MYRIP: variants seen among roughly 807,000 people sequenced by gnomAD.
MYRIP encodes rab effector MyRIP.
In MYRIP, 49 loss-of-function variants were observed where a neutral mutation model predicts 98.0. That is an observed-to-expected ratio of 0.50 (90% CI 0.40 to 0.63). MYRIP has a LOEUF of 0.63. Ranked by LOEUF, MYRIP falls within the 30% of genes least tolerant of loss-of-function variation. The pLI is 0.00. For missense variants in MYRIP, 1,004 were observed against 1,058.2 expected (o/e 0.95, Z 0.71); for synonymous variants, 404 against 409.5 (o/e 0.99, Z 0.16).
chr3:40,203,222 G>A (rs569121864), intron 10 of MYRIP, among the ~76,000 whole-genome samples: 18 of 152,100 alleles, frequency 1.2e-4, no homozygotes, highest in African/African-American at 3.9e-4. Context: ...GAGTCACTGC[G>A]CCTGGCTCTT....
intron 2 of MYRIP, among the ~76,000 whole-genome samples, chr3:39,924,926 C>T (rs559958320): frequency 2.0e-5 from 3 of 151,618 alleles, no homozygotes; most frequent in African/African-American, 7.3e-5. Context: ...AATGAAAATA[C>T]AATATTTCAA....
intron 2 of MYRIP, among the ~76,000 whole-genome samples, chr3:39,930,805 G>T (rs951405892): frequency 6.6e-6 from 1 of 151,776 alleles, no homozygotes; most frequent in Non-Finnish European, 1.5e-5. Context: ...TAATTGTCTT[G>T]GTATCCTTGT....
chr3:40,253,301 C>T (rs941044530), intron 16 of MYRIP, among the ~76,000 whole-genome samples: 7 of 152,142 alleles, frequency 4.6e-5, no homozygotes, highest in African/African-American at 9.7e-5. Context: ...TCAACAGCCG[C>T]GGTATCCTGA....
At chr3:39,812,855 C>T (rs1010857878) in intron 1 of MYRIP, among the ~76,000 whole-genome samples, 2 of 152,220 alleles carry the variant, frequency 1.3e-5, no homozygotes, top group Non-Finnish European at 2.9e-5. Context: ...AACATGATTT[C>T]CAACTACTAT....
intron 1 of MYRIP, among the ~76,000 whole-genome samples, chr3:39,848,056 C>T (rs1942022889): frequency 6.6e-6 from 1 of 152,278 alleles, no homozygotes. Flanking sequence ...CTCCAACATG[C>T]TGGTGGGGTT....
intron 11 of MYRIP, among the ~76,000 whole-genome samples, chr3:40,213,894 T>G (rs917349230): frequency 6.6e-6 from 1 of 152,112 alleles, no homozygotes; most frequent in African/African-American, 2.4e-5. Context: ...CTCCTTTGCT[T>G]TGCTTCGGTT....
chr3:39,992,072 A>G (rs1439089440), intron 2 of MYRIP, among the ~76,000 whole-genome samples: 2 of 152,184 alleles, frequency 1.3e-5, no homozygotes, highest in Non-Finnish European at 2.9e-5. Flanking sequence ...CTGCTCCATG[A>G]AAGACCAGAC....
At position 40,230,725 on chromosome 3, in the gene MYRIP, T is replaced by C. The variant is rs991759556; in HGVS notation, c.1906-3134T>C. Among the ~76,000 whole-genome samples the C allele has an allele frequency of 3.9e-5, 6 of 152,170 alleles. 1 individual carries two copies. Among genetic ancestry groups the C allele is most frequent in the African/African-American group, 1.4e-4 (6 of 41,446 alleles). On this transcript the variant is annotated intron_variant, in intron 11 of 16. Transcript: ENST00000302541. ...CTACAGGTGGGAAATTGCTGTGGAT[T>C]CCAGTTTGCCTTTCCCAGTGGAAAG...
chr3:40,169,981 A>T lies in MYRIP; in HGVS notation c.761A>T (p.Gln254Leu). The change falls in exon 8 of 17, where the codon CAG becomes CTG. Residue 254 changes from glutamine (Q) to leucine (L), a missense_variant. Around this residue, in one of 3 missense-constraint regions of MYRIP, gnomAD observed 880 missense variants for 907.7 expected, o/e 0.97. Transcript: ENST00000302541. ...IIRKQKSKSEQQVEEEPGWPH... is the reference protein window; with the variant it reads ...IIRKQKSKSELQVEEEPGWPH... Reference sequence around the variant, plus strand: ...CGAAAACAGAAGAGCAAAAGTGAGCAGCAAGTGGAAGAAGAGCCAGGATGG... The same window carrying T: ...CGAAAACAGAAGAGCAAAAGTGAGCTGCAAGTGGAAGAAGAGCCAGGATGG... The T allele has an allele frequency of 6.2e-7, 1 of 1,614,222 alleles. No individual in the cohort carries two copies. The highest frequency in any genetic ancestry group is 8.5e-7 in the Non-Finnish European group (1 of 1,180,044).
chr3:40,090,305 T>C (rs1449958512), intron 3 of MYRIP, among the ~76,000 whole-genome samples: 2 of 151,794 alleles, frequency 1.3e-5, no homozygotes, highest in African/African-American at 4.8e-5. Flanking sequence ...TTCACCAAAG[T>C]TGTGAAGGGT....
chr3:39,940,762 T>A (rs761794162), intron 2 of MYRIP, among the ~76,000 whole-genome samples: 8 of 152,188 alleles, frequency 5.3e-5, no homozygotes, highest in Non-Finnish European at 1.0e-4. Context: ...CAAATAAGCA[T>A]AATTTTGTTT....
intron 2 of MYRIP, among the ~76,000 whole-genome samples, chr3:39,965,743 T>C (rs767859613): frequency 8.5e-5 from 13 of 152,092 alleles, no homozygotes; most frequent in Non-Finnish European, 1.6e-4. Context: ...ATCAACTGAT[T>C]ATGGGTTTTA....
intron 9 of MYRIP, among the ~76,000 whole-genome samples, chr3:40,188,402 C>T (rs952604834): frequency 6.6e-6 from 1 of 151,644 alleles, no homozygotes; most frequent in African/African-American, 2.4e-5. Context: ...CACACACAAA[C>T]TGGGGAATGG....
chr3:40,013,285 C>T (rs1316365783), intron 2 of MYRIP, among the ~76,000 whole-genome samples: 1 of 152,120 alleles, frequency 6.6e-6, no homozygotes, highest in Non-Finnish European at 1.5e-5. Flanking sequence ...CTTAACAGTA[C>T]CTTGCTTCTG....
At chr3:40,212,188 G>A (rs11711735) in intron 11 of MYRIP, among the ~76,000 whole-genome samples, 408 of 18,910 alleles carry the variant, frequency 0.022, 54 homozygotes, top group African/African-American at 0.033. Flanking sequence ...ACGTGTATGT[G>A]TATATACATA....
At chr3:40,056,899 G>A (rs1274865497) in intron 3 of MYRIP, among the ~76,000 whole-genome samples, 1 of 152,180 alleles carries the variant, frequency 6.6e-6, no homozygotes, top group African/African-American at 2.4e-5. Flanking sequence ...CATTCACTAT[G>A]CAAAGGGTAG....
At chr3:40,007,240 A>C (rs1362031158) in intron 2 of MYRIP, among the ~76,000 whole-genome samples, 1 of 152,162 alleles carries the variant, frequency 6.6e-6, no homozygotes, top group Admixed American at 6.5e-5. Context: ...AATTCTGATC[A>C]GTTGTCAGAG....
intron 3 of MYRIP, among the ~76,000 whole-genome samples, chr3:40,069,253 G>A (rs938946936): frequency 1.3e-5 from 2 of 152,014 alleles, no homozygotes; most frequent in Admixed American, 6.6e-5. Context: ...CAGAAGCTAC[G>A]CACCACCACC....
At chr3:40,028,008 C>A (rs1030080277) in intron 2 of MYRIP, among the ~76,000 whole-genome samples, 1 of 152,084 alleles carries the variant, frequency 6.6e-6, no homozygotes, top group Non-Finnish European at 1.5e-5. Flanking sequence ...AGCTATAGAT[C>A]AAAATTACCC....
Sources: allele counts gnomAD v4.1 joint callset (sites outside exome capture counted in the v4.1 genomes callset), GRCh38; gene constraint gnomAD v4.1.1; regional missense constraint gnomAD v4.1.1; transcripts MANE v1.5; gene names NCBI Gene and HGNC (gene_info 2026-07-23, HGNC 2026-07-21).